The following FBXL13 variants were observed in gnomAD, a reference collection of about 807,000 sequenced individuals.
FBXL13 encodes F-box and leucine rich repeat protein 13.
A neutral mutation model predicts 83.6 loss-of-function variants in FBXL13; 67 were observed. That is an observed-to-expected ratio of 0.80 (90% confidence interval 0.66 to 0.98). FBXL13 has a LOEUF of 0.98. Ranked by LOEUF, FBXL13 falls within the 50% of genes least tolerant of loss-of-function variation. The pLI is 0.00. For missense variants in FBXL13, 822 were observed against 866.5 expected (o/e 0.95, Z 0.64); for synonymous variants, 272 against 299.5 (o/e 0.91, Z 0.95).
At chr7:103,037,430 CAT>C (rs1210017831) in intron 2 of FBXL13, among the ~76,000 whole-genome samples, 1 of 152,120 alleles carries the variant, frequency 6.6e-6, no homozygotes, top group African/African-American at 2.4e-5. Context: ...TTTTCAAATC[CAT>C]ATCTTTCATT....
intron 6 of FBXL13, among the ~76,000 whole-genome samples, chr7:103,011,428 A>G (rs566985858): frequency 6.6e-6 from 1 of 152,180 alleles, no homozygotes; most frequent in South Asian, 2.1e-4. Flanking sequence ...TGAGGTCAAG[A>G]GTTCGAGACC....
At chr7:102,932,758 AC>A (rs1235172309) in intron 8 of FBXL13, among the ~76,000 whole-genome samples, 3 of 151,876 alleles carry the variant, frequency 2.0e-5, no homozygotes, top group Non-Finnish European at 4.4e-5. Context: ...ACAGGTGCAT[AC>A]CACCATGCCC....
chr7:102,853,092 A>G (rs1018864859), intron 17 of FBXL13, among the ~76,000 whole-genome samples: 4 of 152,198 alleles, frequency 2.6e-5, no homozygotes, highest in Admixed American at 2.6e-4. Flanking sequence ...CAAACATTGT[A>G]TGTTCTCACT....
At chr7:102,941,977 G>A (rs1821554309) in intron 8 of FBXL13, among the ~76,000 whole-genome samples, 2 of 152,076 alleles carry the variant, frequency 1.3e-5, no homozygotes, top group Non-Finnish European at 2.9e-5. Flanking sequence ...CATCAGTTGT[G>A]GAATTCCCAT....
At chr7:102,990,008 C>T (rs1292266739) in intron 6 of FBXL13, among the ~76,000 whole-genome samples, 2 of 152,234 alleles carry the variant, frequency 1.3e-5, no homozygotes, top group African/African-American at 4.8e-5. Context: ...CCAGTTGACT[C>T]TCCCGACATT....
intron 6 of FBXL13, among the ~76,000 whole-genome samples, chr7:103,013,887 G>A (rs1479540350): frequency 6.6e-6 from 1 of 151,886 alleles, no homozygotes; most frequent in Non-Finnish European, 1.5e-5. Context: ...AGGTAGACTG[G>A]TAGATAAACT....
At chr7:102,976,164 C>T (rs1356356737) in intron 6 of FBXL13, 5 of 766,240 alleles carry the variant, frequency 6.5e-6, no homozygotes, top group Non-Finnish European at 1.2e-5. Flanking sequence ...CTGATAGTGC[C>T]TTGGAACAGA....
intron 16 of FBXL13, among the ~76,000 whole-genome samples, chr7:102,855,651 A>G (rs1805934678): frequency 6.7e-6 from 1 of 150,196 alleles, no homozygotes; most frequent in African/African-American, 2.5e-5. Context: ...CCACCCCCCA[A>G]CCCACCCCTC....
intron 10 of FBXL13, among the ~76,000 whole-genome samples, chr7:102,913,546 T>C (rs1283543711): frequency 6.6e-6 from 1 of 152,186 alleles, no homozygotes; most frequent in African/African-American, 2.4e-5. Context: ...TGTTTGGAAG[T>C]GAAACCAAAT....
At chr7:102,859,153 T>C (rs943596299) in intron 16 of FBXL13, among the ~76,000 whole-genome samples, 10 of 152,224 alleles carry the variant, frequency 6.6e-5, no homozygotes, top group African/African-American at 2.4e-4. Context: ...CTTCAGACCC[T>C]GATGACAAAA....
At chr7:102,859,150 C>A (rs763439184) in intron 16 of FBXL13, among the ~76,000 whole-genome samples, 1 of 152,288 alleles carries the variant, frequency 6.6e-6, no homozygotes, top group Admixed American at 6.5e-5. Context: ...CAACTTCAGA[C>A]CCTGATGACA....
chr7:102,926,382 A>C lies in FBXL13; in HGVS notation c.778-8T>G. 6.2e-7 allele frequency: 1 copy of C among 1,608,230 alleles called. No homozygotes were observed. Among genetic ancestry groups the C allele is most frequent in the Non-Finnish European group, 8.5e-7 (1 of 1,176,032 alleles). On this transcript the variant is annotated splice_polypyrimidine_tract_variant and splice_region_variant and intron_variant, in intron 9 of 19. Coordinates refer to ENST00000313221, the Ensembl canonical transcript of FBXL13. ...GTGTCTCATTGATTCATCCTGCATGAAAAACAGAGGGAAGAGGCTTATCAA... is the reference window on the plus strand; with the variant it reads ...GTGTCTCATTGATTCATCCTGCATGCAAAACAGAGGGAAGAGGCTTATCAA...
At chr7:103,064,019 T>C (rs901929383) in intron 1 of FBXL13, among the ~76,000 whole-genome samples, 7 of 152,326 alleles carry the variant, frequency 4.6e-5, no homozygotes, top group African/African-American at 1.7e-4. Flanking sequence ...CTGATGTCAC[T>C]AGGGCCTGGT....
intron 8 of FBXL13, chr7:102,934,014 G>A (rs762642150): frequency 9.9e-6 from 16 of 1,613,956 alleles, no homozygotes; most frequent in South Asian, 4.4e-5. Flanking sequence ...AATCATGGCC[G>A]GGCGGGTGGA....
chr7:103,003,314 C>T (rs1361774996), intron 6 of FBXL13, among the ~76,000 whole-genome samples: 1 of 105,344 alleles, frequency 9.5e-6, no homozygotes. Context: ...TTGAGACAGA[C>T]TCTCACTCTC....
At chr7:103,024,855 ATATT>A (rs1563235910) in intron 6 of FBXL13, among the ~76,000 whole-genome samples, 1 of 86,380 alleles carries the variant, frequency 1.2e-5, no homozygotes, top group South Asian at 4.5e-4. Flanking sequence ...ATATATATAT[ATATT>A]TTTTTTTTTT....
At chr7:102,812,913 G>T (rs1480513329), downstream of FBXL13, among the ~76,000 whole-genome samples, 1 of 150,306 alleles carries the variant, frequency 6.7e-6, no homozygotes, top group Non-Finnish European at 1.5e-5. Flanking sequence ...CGTGATCTAG[G>T]CTCACTGCAA....
chr7:102,969,265 T>G (rs955720180), intron 6 of FBXL13, among the ~76,000 whole-genome samples: 1 of 152,224 alleles, frequency 6.6e-6, no homozygotes, highest in African/African-American at 2.4e-5. Flanking sequence ...ATCATTGTGC[T>G]ACAATTACCT....
downstream of FBXL13, among the ~76,000 whole-genome samples, chr7:102,811,370 G>A (rs778186694): frequency 3.3e-5 from 5 of 152,206 alleles, no homozygotes; most frequent in Non-Finnish European, 5.9e-5. Flanking sequence ...GATATTTTGA[G>A]TAGTTTGCAT....
Sources: allele counts gnomAD v4.1 joint callset (sites outside exome capture counted in the v4.1 genomes callset), GRCh38; gene constraint gnomAD v4.1.1; transcripts MANE v1.5; gene names NCBI Gene and HGNC (gene_info 2026-07-23, HGNC 2026-07-21).